CSMD1: variants seen among roughly 807,000 people sequenced by gnomAD.
CSMD1 encodes CUB and Sushi multiple domains 1.
CSMD1 carries 213 observed loss-of-function variants against 417.5 expected under a neutral mutation model. The ratio of observed to expected loss-of-function variants is 0.51; its 90% CI spans 0.46 to 0.57. The LOEUF (loss-of-function observed/expected upper bound fraction) is 0.57, where lower values mean the gene tolerates loss of function less well. CSMD1 is among the 20% of genes least tolerant of loss of function. The probability of loss-of-function intolerance (pLI) is 0.00; values close to 1 mark genes in which losing one functional copy is unlikely to be tolerated. For missense variants in CSMD1, 6,923 were observed against 4,529.7 expected (o/e 1.53, Z -15.17); for synonymous variants, 2,862 against 1,736.8 (o/e 1.65, Z -16.11).
intron 2 of CSMD1, among the ~76,000 whole-genome samples, chr8:4,549,180 A>G (rs1797757310): frequency 6.6e-6 from 1 of 152,152 alleles, no homozygotes; most frequent in South Asian, 2.1e-4. Flanking sequence ...GATTCCTCTC[A>G]GCTGACTTGA....
intron 5 of CSMD1, among the ~76,000 whole-genome samples, chr8:3,779,204 G>C (rs1376769180): frequency 6.6e-6 from 1 of 151,864 alleles, no homozygotes; most frequent in Non-Finnish European, 1.5e-5. Flanking sequence ...ATTTGAGAGG[G>C]TGAATAAGAC....
At chr8:3,547,350 G>T (rs1349921713) in intron 10 of CSMD1, among the ~76,000 whole-genome samples, 2 of 152,164 alleles carry the variant, frequency 1.3e-5, no homozygotes, top group Non-Finnish European at 2.9e-5. Context: ...AATTTGTACG[G>T]TCGAAAAATA....
intron 50 of CSMD1, among the ~76,000 whole-genome samples, chr8:3,039,390 T>C (rs530883954): frequency 6.8e-6 from 1 of 146,042 alleles, no homozygotes; most frequent in African/African-American, 2.6e-5. Flanking sequence ...CTTCCTTCCT[T>C]CCCCCTTCCC....
chr8:4,123,960 A>T (rs1296062004), intron 3 of CSMD1, among the ~76,000 whole-genome samples: 1 of 152,182 alleles, frequency 6.6e-6, no homozygotes, highest in Non-Finnish European at 1.5e-5. Flanking sequence ...AAAAAGCTGG[A>T]AAAAAGTTTC....
At chr8:3,894,659 C>G (rs73172297) in intron 5 of CSMD1, among the ~76,000 whole-genome samples, 4,015 of 152,276 alleles carry the variant, frequency 0.026, 70 homozygotes, top group Middle Eastern at 0.058. Flanking sequence ...ATTAACCTAA[C>G]AAGAGAGTCT....
At chr8:4,994,237 C>A (rs1213613627) in intron 1 of CSMD1, 95 bp downstream of exon 1, 5 of 1,132,864 alleles carry the variant, frequency 4.4e-6, no homozygotes, top group Non-Finnish European at 6.4e-6. Flanking sequence ...GGCGGCCACT[C>A]CGTACCCTGC....
intron 3 of CSMD1, among the ~76,000 whole-genome samples, chr8:4,336,692 G>A (rs1013205589): frequency 3.9e-5 from 6 of 152,128 alleles, no homozygotes; most frequent in Admixed American, 6.6e-5. Context: ...CGAAGACAAA[G>A]TAGAGATGAG....
At chr8:4,139,187 G>C (rs377659149) in intron 3 of CSMD1, among the ~76,000 whole-genome samples, 44,982 of 151,928 alleles carry the variant, frequency 0.3, 8,079 homozygotes, top group Non-Finnish European at 0.39. Context: ...AACTGTTTCA[G>C]TTTCAGTATC....
At chr8:4,104,566 A>G (rs1801470939) in intron 3 of CSMD1, among the ~76,000 whole-genome samples, 1 of 152,194 alleles carries the variant, frequency 6.6e-6, no homozygotes, top group Non-Finnish European at 1.5e-5. Context: ...TTTCTGTTAA[A>G]CTGTAAATAA....
chr8:3,930,232 C>A (rs994137993), intron 5 of CSMD1, among the ~76,000 whole-genome samples: 1 of 150,276 alleles, frequency 6.7e-6, no homozygotes, highest in Non-Finnish European at 1.5e-5. Flanking sequence ...AAGTAGAGGT[C>A]CTTCTTCAAA....
intron 1 of CSMD1, among the ~76,000 whole-genome samples, chr8:4,855,260 C>A (rs1317696402): frequency 6.6e-6 from 1 of 151,448 alleles, no homozygotes; most frequent in Non-Finnish European, 1.5e-5. Flanking sequence ...AAAAACCCAT[C>A]TGTACATAAC....
At chr8:3,514,767 C>G (rs1797218257) in intron 10 of CSMD1, among the ~76,000 whole-genome samples, 1 of 152,034 alleles carries the variant, frequency 6.6e-6, no homozygotes, top group Non-Finnish European at 1.5e-5. Context: ...ATAATTTATA[C>G]TGCACATGAT....
chr8:4,088,135 G>T (rs1005473687), intron 3 of CSMD1, among the ~76,000 whole-genome samples: 3 of 152,162 alleles, frequency 2.0e-5, no homozygotes, highest in Admixed American at 6.6e-5. Context: ...CTGTGAGGAG[G>T]ACACTGCCCA....
chr8:3,308,254 G>C lies in CSMD1; in HGVS notation c.3823+58C>G, dbSNP rs1554509384. ...CCAATAAAGGAAGTCAATGCAACAT[G>C]GTGCAAGCACCCTAAGGCCTGGCTT... is the stretch of plus-strand genomic sequence containing the variant. On this transcript the variant is annotated intron_variant, in intron 24 of 69. Coordinates refer to ENST00000635120, the MANE Select transcript of CSMD1 (RefSeq NM_033225.6). The C allele has an allele frequency of 3.7e-6, 5 of 1,335,644 alleles. No homozygotes were observed. The Admixed American group carries it at 1.0e-4, about 27-fold the overall frequency. 82.7% of individuals were successfully genotyped at this position (1,335,644 alleles called of 1,614,324 possible).
chr8:4,604,998 T>C (rs1290710986), intron 2 of CSMD1, among the ~76,000 whole-genome samples: 2 of 152,222 alleles, frequency 1.3e-5, no homozygotes, highest in East Asian at 1.9e-4. Context: ...CCTGTGGTGC[T>C]GTCCAGAACA....
At chr8:4,185,128 A>C (rs1340823976) in intron 3 of CSMD1, among the ~76,000 whole-genome samples, 2 of 116,604 alleles carry the variant, frequency 1.7e-5, no homozygotes, top group Admixed American at 2.0e-4. Flanking sequence ...ACCTGAGTGA[A>C]ATTTTGCCTC....
chr8:3,000,923 T>G (rs202024946), intron 52 of CSMD1, among the ~76,000 whole-genome samples: 127 of 152,176 alleles, frequency 8.3e-4, no homozygotes, highest in Non-Finnish European at 1.6e-3. Flanking sequence ...AGAGCTTTAG[T>G]AACAGAGCTT....
chr8:3,949,235 T>C (rs1322945048), intron 5 of CSMD1, among the ~76,000 whole-genome samples: 2 of 152,188 alleles, frequency 1.3e-5, no homozygotes, highest in Non-Finnish European at 2.9e-5. Context: ...GTTAGCAATT[T>C]TGAAAAAATA....
intron 26 of CSMD1, among the ~76,000 whole-genome samples, chr8:3,262,312 T>C (rs931114578): frequency 5.4e-5 from 8 of 148,790 alleles, no homozygotes; most frequent in African/African-American, 2.0e-4. Flanking sequence ...TTTCTGAATG[T>C]ACCTTTGTGA....
Sources: allele counts gnomAD v4.1 joint callset (sites outside exome capture counted in the v4.1 genomes callset), GRCh38; gene constraint gnomAD v4.1.1; transcripts MANE v1.5; gene names NCBI Gene and HGNC (gene_info 2026-07-23, HGNC 2026-07-21).